CC2D1B: variants seen among roughly 807,000 people sequenced by gnomAD.
The protein encoded by CC2D1B is coiled-coil and C2 domain containing 1B, also known as coiled-coil and C2 domain-containing protein 1B.
A neutral mutation model predicts 110.8 loss-of-function variants in CC2D1B; 92 were observed. The observed-to-expected ratio is 0.83, with a 90% confidence interval of 0.70 to 0.99. The LOEUF is 0.99. Among genes scored for constraint, CC2D1B ranks in the 50% least tolerant of loss-of-function variants. The pLI, the probability that CC2D1B is intolerant of heterozygous loss-of-function variation, is 0.00. For synonymous variants in CC2D1B, 406 were observed against 429.2 expected (o/e 0.95, Z 0.67); for missense variants, 1,136 against 1,089.0 (o/e 1.04, Z -0.61).
Position 52,352,732 on chromosome 1 carries a change from G to T in CC2D1B, c.*493C>A, listed in dbSNP as rs1264416622. 6.5e-6 allele frequency: 1 copy of T among 153,342 alleles called. No homozygotes were observed. Among genetic ancestry groups the T allele is most frequent in the East Asian group, 1.9e-4 (1 of 5,206 alleles). The allele number at this position is 153,342 out of a possible 1,614,324, so 9.5% of individuals were successfully genotyped here. A position where few individuals can be genotyped will look rare whatever the true frequency, so the allele number is the denominator to read the frequency against. On this transcript the variant is annotated 3_prime_UTR_variant, in exon 25 of 25. Coordinates refer to ENST00000284376, the MANE Select transcript of CC2D1B (RefSeq NM_001330585.2). ...GGGATAAAGGCACAGGCAGAGCTGG[G>T]GTGACGGAGTTGTCTGGGACAGGCT...
At chr1:52,359,602 C>T in intron 8 of CC2D1B, 68 bp from the exon 9 acceptor site, 45 of 1,579,216 alleles carry the variant, frequency 2.8e-5, no homozygotes, top group Non-Finnish European at 3.7e-5. Context: ...CTGAAACAAC[C>T]CCCACTTAGG....
At chr1:52,358,994 G>T in intron 11 of CC2D1B, 33 bp downstream of exon 11, 1 of 1,598,776 alleles carries the variant, frequency 6.3e-7, no homozygotes, top group Non-Finnish European at 8.5e-7. Flanking sequence ...GAAGAGGCCA[G>T]CACAGGCAGG....
In CC2D1B at chr1:52,354,772, G is replaced by A. The variant is rs770089143; in HGVS notation, c.2339+68C>T. ...GAATGTGCTGGCTGAGCCCATGCAG[G>A]GGCAGCAGTGACAAACGCTCTTCCC... On this transcript the variant is annotated intron_variant, in intron 22 of 24. Coordinates refer to ENST00000284376, the MANE Select transcript of CC2D1B (RefSeq NM_001330585.2). 13 of 1,597,828 alleles carry A rather than the reference G, an allele frequency of 8.1e-6. No individual in the cohort carries two copies. In the African/African-American group the frequency reaches 1.7e-4, roughly 21 times the overall value.
chr1:52,361,485 CCCTGGGATACCAG>C lies in CC2D1B; in HGVS notation c.318+15_318+27del. On this transcript the variant is annotated intron_variant, in intron 4 of 24. Transcript: ENST00000284376. Reference sequence around the variant, plus strand: ...CACCAGGCCCAAGCTTGCCTCAGAGCCCTGGGATACCAGCCTGGCAGACACACCAGCAGCTCTG... The same window carrying C: ...CACCAGGCCCAAGCTTGCCTCAGAGCCCTGGCAGACACACCAGCAGCTCTG... 1 of 1,613,260 alleles carries C rather than the reference CCCTGGGATACCAG, an allele frequency of 6.2e-7. No homozygotes were observed. The highest frequency in any genetic ancestry group is 1.1e-5 in the South Asian group (1 of 90,964).
At chr1:52,365,457 A>C (rs1216266887) in intron 1 of CC2D1B, among the ~76,000 whole-genome samples, 2 of 152,212 alleles carry the variant, frequency 1.3e-5, no homozygotes, top group Non-Finnish European at 2.9e-5. Flanking sequence ...ACGAGGGAAC[A>C]CTTGACGGCT....
chr1:52,353,448 GAT>G, intron 24 of CC2D1B, 68 bp downstream of exon 24: 2 of 1,545,018 alleles, frequency 1.3e-6, no homozygotes, highest in Non-Finnish European at 1.7e-6. Flanking sequence ...TTTCTCTCCA[GAT>G]ATGAGTTGAG....
At chr1:52,357,166 A>T in intron 15 of CC2D1B, 40 bp from the exon 16 acceptor site, 1 of 1,610,674 alleles carries the variant, frequency 6.2e-7, no homozygotes, top group Non-Finnish European at 8.5e-7. Context: ...CAAGAGTCAG[A>T]TTACTCCTCT....
At chr1:52,354,983 T>A in intron 21 of CC2D1B, 44 bp from the exon 22 acceptor site, 12 of 1,517,636 alleles carry the variant, frequency 7.9e-6, no homozygotes, top group Non-Finnish European at 1.1e-5. Context: ...GCTCTCGGGA[T>A]TTCCTGAGGA....
intron 13 of CC2D1B, 131 bp downstream of exon 13, chr1:52,358,200 A>C (rs774758839): frequency 3.1e-4 from 409 of 1,334,714 alleles, no homozygotes; most frequent in Non-Finnish European, 4.0e-4. Flanking sequence ...TCCTTGGGCA[A>C]GTTTTTTCTC....
At chr1:52,353,345 C>T in intron 24 of CC2D1B, 122 bp from the exon 25 acceptor site, 1 of 1,493,760 alleles carries the variant, frequency 6.7e-7, no homozygotes. Flanking sequence ...AGGTTACCTT[C>T]TCTTCCCAGT....
intron 21 of CC2D1B, 156 bp from the exon 22 acceptor site, chr1:52,355,095 T>C: frequency 1.5e-6 from 1 of 659,762 alleles, no homozygotes; most frequent in Non-Finnish European, 2.7e-6. Context: ...GGTCCTGGCC[T>C]TGGAAGTGAG....
intron 2 of CC2D1B, among the ~76,000 whole-genome samples, chr1:52,363,831 C>A (rs1194844657): frequency 6.6e-6 from 1 of 152,106 alleles, no homozygotes; most frequent in Non-Finnish European, 1.5e-5. Context: ...CAGGCACATG[C>A]CACCACGCCC....
chr1:52,361,167 G>A lies in CC2D1B; in HGVS notation c.319-35C>T, dbSNP rs1557553634. The A allele has an allele frequency of 3.7e-6, 6 of 1,612,376 alleles. No homozygotes were observed. In the African/African-American group the frequency reaches 6.7e-5, roughly 18 times the overall value. On this transcript the variant is annotated intron_variant, in intron 4 of 24. Coordinates refer to ENST00000284376, the MANE Select transcript of CC2D1B (RefSeq NM_001330585.2). ...CAAAACACAGCCCAGGAGCTTGGGG[G>A]CCTCAAGACCATACCCACAACAGGA... is the stretch of plus-strand genomic sequence containing the variant.
intron 19 of CC2D1B, 50 bp downstream of exon 19, chr1:52,355,721 T>TG (rs956699699): frequency 9.9e-6 from 16 of 1,613,346 alleles, no homozygotes; most frequent in East Asian, 2.2e-5. Context: ...GCCTAGCACT[T>TG]GGAGTGTCCG....
chr1:52,354,474 C>T (rs1259077632), intron 23 of CC2D1B, 134 bp downstream of exon 23: 1 of 824,840 alleles, frequency 1.2e-6, no homozygotes, highest in Non-Finnish European at 2.1e-6. Context: ...GAGGATTCCA[C>T]CTACTCTAAG....
intron 1 of CC2D1B, 35 bp from the exon 2 acceptor site, chr1:52,364,669 G>A: frequency 6.9e-7 from 1 of 1,449,914 alleles, no homozygotes; most frequent in Non-Finnish European, 9.6e-7. Flanking sequence ...GGCTGGAGTA[G>A]CCCATAAGCC....
At position 52,355,610 on chromosome 1, in the gene CC2D1B, A is replaced by T; in HGVS notation, c.2185T>A (p.Ser729Thr). Residue 729 changes from serine (S) to threonine (T), a missense_variant and splice_region_variant, in exon 20 of 25, where the codon TCG (serine) becomes ACG (threonine). Transcript: ENST00000284376. ...FVRFEFHYPN[S>T]DQAQKSKTAV... ...TCCTACTTCTACCTGAACCTCACCG[A>T]GTTAGGGTAGTGAAACTCAAACCGC... The T allele has an allele frequency of 6.2e-7, 1 of 1,614,182 alleles. No homozygotes were observed. The highest frequency in any genetic ancestry group is 8.5e-7 in the Non-Finnish European group (1 of 1,180,026).
rs368808179 is a variant in CC2D1B, at chr1:52,359,446, G to A, written c.1018+13C>T. 6 of 1,613,858 alleles carry A rather than the reference G, an allele frequency of 3.7e-6. No individual in the cohort carries two copies. Among genetic ancestry groups the A allele is most frequent in the Non-Finnish European group, 5.1e-6 (6 of 1,179,900 alleles). On this transcript the variant is annotated intron_variant, in intron 9 of 24. Coordinates refer to ENST00000284376, the MANE Select transcript of CC2D1B (RefSeq NM_001330585.2). ...CCCCAACCCCACCGCAGCCTGAGAAGATACATACTGACCCTCAGGTGCCGG... is the reference window on the plus strand; with the variant it reads ...CCCCAACCCCACCGCAGCCTGAGAAAATACATACTGACCCTCAGGTGCCGG...
At position 52,352,618 on chromosome 1, in the gene CC2D1B, C is replaced by T. The variant is rs778889979; in HGVS notation, c.*607G>A. On this transcript the variant is annotated 3_prime_UTR_variant, in exon 25 of 25. Transcript: ENST00000284376. ...AGACCAAACCCAAGATCCAACCTTC[C>T]CCTTACTTCCCACCAAGTAGTACCA... is the stretch of plus-strand genomic sequence containing the variant. 1 of 152,530 alleles carries T rather than the reference C, an allele frequency of 6.6e-6. No homozygotes were observed. The highest frequency in any genetic ancestry group is 1.5e-5 in the Non-Finnish European group (1 of 68,030). The allele number at this position is 152,530 out of a possible 1,614,324, so 9.4% of individuals were successfully genotyped here. A position where few individuals can be genotyped will look rare whatever the true frequency, so the allele number is the denominator to read the frequency against.
Sources: allele counts gnomAD v4.1 joint callset (sites outside exome capture counted in the v4.1 genomes callset), GRCh38; gene constraint gnomAD v4.1.1; transcripts MANE v1.5; gene names NCBI Gene and HGNC (gene_info 2026-07-23, HGNC 2026-07-21).